Variants in MPP2 observed in about 807,000 individuals in gnomAD.
The protein encoded by MPP2 is MAGUK p55 scaffold protein 2.
A neutral mutation model predicts 58.5 loss-of-function variants in MPP2; 42 were observed. The observed-to-expected ratio is 0.72, with a 90% CI of 0.56 to 0.93. MPP2 has a LOEUF of 0.93. Among genes scored for constraint, MPP2 ranks in the 40% least tolerant of loss-of-function variants. The pLI, the probability that MPP2 is intolerant of heterozygous loss-of-function variation, is 0.00. For missense variants in MPP2, 632 were observed against 760.4 expected, an observed-to-expected ratio of 0.83 and a Z score of 1.99; for synonymous variants, 300 against 307.8, an observed-to-expected ratio of 0.97 and a Z score of 0.26.
intron 3 of MPP2, among the ~76,000 whole-genome samples, chr17:43,894,290 G>A (rs867327648): frequency 5.3e-5 from 8 of 151,524 alleles, no homozygotes; most frequent in African/African-American, 1.9e-4. Context: ...GGTAGCGCAT[G>A]CCTGTAGTCC....
intron 2 of MPP2, 100 bp downstream of exon 2, chr17:43,904,330 G>T: frequency 8.9e-7 from 1 of 1,124,000 alleles, no homozygotes; most frequent in Non-Finnish European, 1.3e-6. Context: ...AGTGGAGCCA[G>T]TTGGTTCTTA....
At chr17:43,904,035 GGCTGTGCT>G (rs1242134332) in intron 2 of MPP2, among the ~76,000 whole-genome samples, 1 of 152,172 alleles carries the variant, frequency 6.6e-6, no homozygotes, top group African/African-American at 2.4e-5. Context: ...CTCAGCCCCA[GGCTGTGCT>G]GCTGTAATCC....
intron 3 of MPP2, among the ~76,000 whole-genome samples, chr17:43,889,523 G>A (rs886832993): frequency 9.2e-5 from 14 of 151,366 alleles, no homozygotes; most frequent in African/African-American, 2.9e-4. Flanking sequence ...CAACACACCC[G>A]GCTAATTTTG....
chr17:43,905,176 TA>T (rs11394569), intron 1 of MPP2, among the ~76,000 whole-genome samples: 44 of 148,004 alleles, frequency 3.0e-4, no homozygotes, highest in African/African-American at 6.0e-4. Context: ...GAACCTGTCT[TA>T]AAAAAAAAAA....
upstream of MPP2, chr17:43,909,672 G>A (rs905788412): frequency 3.1e-6 from 4 of 1,295,426 alleles, no homozygotes; most frequent in African/African-American, 1.5e-5. Context: ...CACTGCATTC[G>A]TCGGTCAACA....
intron 12 of MPP2, among the ~76,000 whole-genome samples, chr17:43,878,638 A>G (rs2046955184): frequency 1.3e-5 from 2 of 152,208 alleles, no homozygotes; most frequent in Non-Finnish European, 2.9e-5. Context: ...GAAGGGTGCC[A>G]GCCTAGACAG....
chr17:43,881,632 G>C (rs775576652), intron 6 of MPP2, 43 bp from the exon 7 acceptor site: 1 of 1,601,060 alleles, frequency 6.2e-7, no homozygotes, highest in Non-Finnish European at 8.5e-7. Flanking sequence ...AGGGTCAGCA[G>C]AAGGCTGCAG....
chr17:43,884,648 T>C (rs1277586239), intron 3 of MPP2, among the ~76,000 whole-genome samples: 1 of 152,254 alleles, frequency 6.6e-6, no homozygotes, highest in Non-Finnish European at 1.5e-5. Flanking sequence ...TCTTGTGTCT[T>C]TGTGTCTTTC....
rs2046777064 is a variant in MPP2 at position 43,875,423 on chromosome 17, T to TA, written c.*2383_*2384insT. The stretch of plus-strand genomic sequence containing the variant: ...CCAATCAGTGAGAAAACTCAAGAAT[T>TA]GGATGGCTGAGGGAGGGAACAGAGG... On this transcript the variant is annotated 3_prime_UTR_variant, in exon 13 of 13. Transcript: ENST00000269095. The TA allele has an allele frequency of 6.6e-6, 1 of 152,252 alleles. No homozygotes were observed. Among genetic ancestry groups the TA allele is most frequent in the African/African-American group, 2.4e-5 (1 of 41,414 alleles). The allele number at this position is 152,252 out of a possible 1,614,324, so 9.4% of individuals were successfully genotyped here. A position where few individuals can be genotyped will look rare whatever the true frequency, so the allele number is the denominator to read the frequency against.
At position 43,906,204 on chromosome 17, in the gene MPP2, C is replaced by A. The variant is rs531359560; in HGVS notation, c.-34+1270G>T. 1.9e-5 allele frequency: 17 copies of A among 913,330 alleles called. No homozygotes were observed. In the South Asian group the frequency reaches 3.6e-4, roughly 19 times the overall value. The allele number at this position is 913,330 out of a possible 1,614,324, so 56.6% of individuals were successfully genotyped here. A position where few individuals can be genotyped will look rare whatever the true frequency, so the allele number is the denominator to read the frequency against. On this transcript the variant is annotated intron_variant, in intron 1 of 12. Coordinates refer to ENST00000269095, the MANE Select transcript of MPP2 (RefSeq NM_005374.5). ...GGGAGGATCCTGTATGAAATCCCTG[C>A]GCTCGGAAGTCTTGCCCAGCCTGCC...
At chr17:43,892,326 T>G (rs140963630) in intron 3 of MPP2, among the ~76,000 whole-genome samples, 45 of 152,358 alleles carry the variant, frequency 3.0e-4, no homozygotes, top group African/African-American at 1.1e-3. Flanking sequence ...TCTGGGCCAC[T>G]TCACGAAGTT....
chr17:43,892,682 G>A (rs576300624), intron 3 of MPP2, among the ~76,000 whole-genome samples: 184 of 152,208 alleles, frequency 1.2e-3, no homozygotes, highest in Admixed American at 3.7e-3. Flanking sequence ...GGGAAGAAAC[G>A]TCCATACTCT....
At chr17:43,883,853 C>T (rs754083396) in intron 3 of MPP2, among the ~76,000 whole-genome samples, 17 of 152,202 alleles carry the variant, frequency 1.1e-4, no homozygotes, top group Non-Finnish European at 2.2e-4. Context: ...GAAATCAGAA[C>T]ACGGTGCCAG....
Position 43,904,449 on chromosome 17 carries a change from G to A in MPP2, c.12C>T (p.Ala4=), listed in dbSNP as rs143468063. The A allele has an allele frequency of 2.0e-5, 33 of 1,613,872 alleles. No individual in the cohort carries two copies. The highest frequency in any genetic ancestry group is 3.3e-4 in the Middle Eastern group (2 of 6,084). Reference sequence around the variant, plus strand: ...TCTTACCAGTTTCAGAGTTGGTGGCGGCAACCGGCATGGTGAAGGAGGCAA... The same window carrying A: ...TCTTACCAGTTTCAGAGTTGGTGGCAGCAACCGGCATGGTGAAGGAGGCAA... The part of the protein sequence containing the change: MPV[A]ATNSETAMQQ... Residue 4 remains alanine, a synonymous_variant, in exon 2 of 13, where the codon GCC becomes GCT. Coordinates refer to ENST00000269095, the MANE Select transcript of MPP2 (RefSeq NM_005374.5).
chr17:43,895,119 TA>T (rs149309383), intron 3 of MPP2, among the ~76,000 whole-genome samples: 2,630 of 151,062 alleles, frequency 0.017, 81 homozygotes, highest in African/African-American at 0.059. Context: ...TTTATTTATT[TA>T]TTTTTTTTTT....
At chr17:43,909,379 T>C (rs754392817), upstream of MPP2, among the ~76,000 whole-genome samples, 1 of 152,186 alleles carries the variant, frequency 6.6e-6, no homozygotes, top group Non-Finnish European at 1.5e-5. Flanking sequence ...AAAATCCTTA[T>C]AATTGAATTC....
In MPP2 at chr17:43,879,988, G is replaced by T. The variant is rs777559558; in HGVS notation, c.1151-4C>A. ...TCTTTCGGCCGCCGGGAGGTGTCTA[G>T]GGGGATGGGGGTAGGTTGGACCAAA... is the stretch of plus-strand genomic sequence containing the variant. On this transcript the variant is annotated splice_polypyrimidine_tract_variant and splice_region_variant and intron_variant, in intron 10 of 12. Transcript: ENST00000269095. This position sits in a 1 kb window ranked among gnomAD's most constrained non-coding sequence, Gnocchi z 4.1. The T allele has an allele frequency of 5.0e-6, 8 of 1,613,852 alleles. No individual in the cohort carries two copies. In the Admixed American group the frequency reaches 1.3e-4, roughly 27 times the overall value.
intron 3 of MPP2, among the ~76,000 whole-genome samples, chr17:43,890,413 T>C (rs1362065022): frequency 1.3e-5 from 2 of 152,168 alleles, no homozygotes; most frequent in Non-Finnish European, 2.9e-5. Flanking sequence ...AGCTAGTTTA[T>C]AGTGGCACCA....
At position 43,880,775 on chromosome 17, in the gene MPP2, T is replaced by C. The variant is rs1045415781; in HGVS notation, c.1066A>G (p.Ile356Val). ...CGCCGTCCCACGCCCTGAGCCCCAA[T>C]CAGTACCAGGGTTTTCCGGCGGAAC... ...PPFRRKTLVLIGAQGVGRRSL... is the reference protein window; with the variant it reads ...PPFRRKTLVLVGAQGVGRRSL... The change falls in exon 10 of 13, where the codon ATT becomes GTT. Residue 356 changes from isoleucine (I) to valine (V), a missense_variant. By Grantham distance (29) the Ile-to-Val change is conservative. Coordinates refer to ENST00000269095, the MANE Select transcript of MPP2 (RefSeq NM_005374.5). The surrounding 1 kb of genome is among the most constrained non-coding windows in gnomAD (Gnocchi z 5.2). 9 of 1,613,880 alleles carry C rather than the reference T, an allele frequency of 5.6e-6. No homozygotes were observed. The highest frequency in any genetic ancestry group is 7.6e-6 in the Non-Finnish European group (9 of 1,179,948).
Sources: allele counts gnomAD v4.1 joint callset (sites outside exome capture counted in the v4.1 genomes callset), GRCh38; gene constraint gnomAD v4.1.1; non-coding constraint Gnocchi (gnomAD v3.1); transcripts MANE v1.5; gene names NCBI Gene and HGNC (gene_info 2026-07-23, HGNC 2026-07-21).